MEGF8: variants seen among roughly 807,000 people sequenced by gnomAD.
MEGF8 encodes the protein multiple epidermal growth factor-like domains protein 8.
MEGF8 carries 156 observed loss-of-function variants against 302.9 expected under a neutral mutation model. The ratio of observed to expected loss-of-function variants is 0.52; its 90% CI spans 0.45 to 0.59. The LOEUF (loss-of-function observed/expected upper bound fraction) is 0.59, where lower values mean the gene tolerates loss of function less well. MEGF8 is among the 20% of genes least tolerant of loss of function. The pLI is 0.00. For missense variants in MEGF8, 3,345 were observed against 3,964.5 expected (o/e 0.84, Z 4.20); for synonymous variants, 1,621 against 1,660.5 (o/e 0.98, Z 0.58).
In MEGF8 at chr19:42,335,139, G is replaced by A. The variant is rs2039108108; in HGVS notation, c.663G>A (p.Arg221=). ...GGTGGTGGCACAACGTGAGTGCCAG[G>A]GACCCTGCCTTCTCTGCCCGTATTG... ...GAGWWHNVSA[R]DPAFSARIGA... is the part of the protein sequence containing the mutation. Residue 221 remains arginine (R), a synonymous_variant, in exon 4 of 42, where the codon AGG becomes AGA. Transcript: ENST00000251268. 3 of 1,613,826 alleles carry A rather than the reference G, an allele frequency of 1.9e-6. No homozygotes were observed. The highest frequency in any genetic ancestry group is 2.5e-6 in the Non-Finnish European group (3 of 1,179,882).
At position 42,353,632 on chromosome 19, in the gene MEGF8, GC is replaced by G; in HGVS notation, c.3721del (p.His1241ThrfsTer98). 6.3e-7 allele frequency: 1 copy of G among 1,581,616 alleles called. No homozygotes were observed. Among genetic ancestry groups the G allele is most frequent in the Non-Finnish European group, 8.6e-7 (1 of 1,161,802 alleles). ...CTTCTGCCAGGACCACACCGAGGGT[GC>G]CCACTGCCAGCTCTGCTCCCCAGGC... is the stretch of plus-strand genomic sequence containing the variant. ...LCFCQDHTEG[A>X]HCQLCSPGYY... On this transcript the variant is annotated frameshift_variant, in exon 21 of 42. Transcript: ENST00000251268. LOFTEE classifies it high-confidence loss of function. The surrounding 1 kb of genome is among the most constrained non-coding windows in gnomAD (Gnocchi z 6.1).
rs548741294 is a variant in MEGF8 at position 42,373,386 on chromosome 19, C to T, written c.7269+1904C>T. Among the ~76,000 whole-genome samples, 473 of 151,826 alleles carry T rather than the reference C, an allele frequency of 3.1e-3. 3 individuals carry two copies. Among genetic ancestry groups the T allele is most frequent in the Non-Finnish European group, 5.3e-3 (363 of 67,920 alleles). ...GATCACAGGCGTGAGCCACCACCCC[C>T]GGCCGGTTCTTTTTTTTAATGTATT... On this transcript the variant is annotated intron_variant, in intron 41 of 41. Coordinates refer to ENST00000251268, the MANE Select transcript of MEGF8 (RefSeq NM_001271938.2).
rs2039392685 is a variant in MEGF8 at position 42,352,603 on chromosome 19, C to G, written c.3350+147C>G. On this transcript the variant is annotated intron_variant, in intron 19 of 41. Transcript: ENST00000251268. This position sits in a 1 kb window ranked among gnomAD's most constrained non-coding sequence, Gnocchi z 4.4. The stretch of plus-strand genomic sequence containing the variant: ...GGGTTTTTACCTTGCACACTAGGTC[C>G]TTATTAGAGTGACAGGGTCCCCAGT... 5 of 1,069,970 alleles carry G rather than the reference C, an allele frequency of 4.7e-6. No individual in the cohort carries two copies. The highest frequency in any genetic ancestry group is 6.6e-6 in the Non-Finnish European group (5 of 761,584). 66.3% of individuals were successfully genotyped at this position (1,069,970 alleles called of 1,614,324 possible).
rs766652484 is a variant in MEGF8, at chr19:42,351,401, T to G, written c.2856-28T>G. 3 of 1,579,894 alleles carry G rather than the reference T, an allele frequency of 1.9e-6. No individual in the cohort carries two copies. In the African/African-American group the frequency reaches 4.1e-5, roughly 21 times the overall value. ...CTGGGGATGTGTGCTGGCTGTGGAGTGACCTGGCCCCCTGCTCCCCACCCC... is the reference window on the plus strand; with the variant it reads ...CTGGGGATGTGTGCTGGCTGTGGAGGGACCTGGCCCCCTGCTCCCCACCCC... On this transcript the variant is annotated intron_variant, in intron 16 of 41. Transcript: ENST00000251268. This position sits in a 1 kb window ranked among gnomAD's most constrained non-coding sequence, Gnocchi z 5.6.
chr19:42,327,634 C>G (rs1279330499), intron 1 of MEGF8, among the ~76,000 whole-genome samples: 1 of 152,210 alleles, frequency 6.6e-6, no homozygotes, highest in Non-Finnish European at 1.5e-5. Flanking sequence ...GAACCCTGCC[C>G]CAGTGGCTCT....
In MEGF8 at chr19:42,336,423, T is replaced by G; in HGVS notation, c.1244+77T>G. The G allele has an allele frequency of 7.1e-7, 1 of 1,415,228 alleles. No individual in the cohort carries two copies. Among genetic ancestry groups the G allele is most frequent in the Non-Finnish European group, 9.4e-7 (1 of 1,069,184 alleles). The allele number at this position is 1,415,228 out of a possible 1,614,324, so 87.7% of individuals were successfully genotyped here. On this transcript the variant is annotated intron_variant, in intron 6 of 41. Coordinates refer to ENST00000251268, the MANE Select transcript of MEGF8 (RefSeq NM_001271938.2). The surrounding 1 kb of genome is among the most constrained non-coding windows in gnomAD (Gnocchi z 4.8). Reference sequence around the variant, plus strand: ...ACCATAGGCCTTTAGTCTTTAGAGGTCTTTGCCCACTGTCGGACTCCTGTG... The same window carrying G: ...ACCATAGGCCTTTAGTCTTTAGAGGGCTTTGCCCACTGTCGGACTCCTGTG...
rs370507805 is a variant in MEGF8 at position 42,356,296 on chromosome 19, G to T, written c.4504-39G>T. 5.8e-5 allele frequency: 92 copies of T among 1,588,416 alleles called. No individual in the cohort carries two copies. Among genetic ancestry groups the T allele is most frequent in the Non-Finnish European group, 7.3e-5 (85 of 1,168,254 alleles). On this transcript the variant is annotated intron_variant, in intron 25 of 41. Transcript: ENST00000251268. This position sits in a 1 kb window ranked among gnomAD's most constrained non-coding sequence, Gnocchi z 5.2. ...ACACCCAGGCCTGGCACTTTGTCCT[G>T]ACCCTAGCCTGATCCCCAATGTCCG...
chr19:42,342,408 G>A (rs1600029318), intron 8 of MEGF8, among the ~76,000 whole-genome samples: 2 of 152,180 alleles, frequency 1.3e-5, no homozygotes, highest in African/African-American at 2.4e-5. Context: ...GGAGGCCGAG[G>A]CGAGTGGATC....
chr19:42,346,984 CAAAAAAAAAAAA>C (rs767117534), intron 12 of MEGF8, among the ~76,000 whole-genome samples: 3 of 49,818 alleles, frequency 6.0e-5, no homozygotes, highest in African/African-American at 2.2e-4. Context: ...GACTCTGTCT[CAAAAAAAAAAAA>C]AAAAAAAAAG....
chr19:42,334,151 G>C lies in MEGF8; in HGVS notation c.496G>C (p.Gly166Arg). The change falls in exon 3 of 42, where the codon GGT becomes CGT. Residue 166 changes from glycine to arginine, a missense_variant. Transcript: ENST00000251268. ...GVCACEPGWG[G>R]PDCGLQECSA... ...GTGTGCCTGCGAGCCGGGCTGGGGGGGTCCTGACTGTGGCCTGCAGGAGTG... is the reference window on the plus strand; with the variant it reads ...GTGTGCCTGCGAGCCGGGCTGGGGGCGTCCTGACTGTGGCCTGCAGGAGTG... The C allele has an allele frequency of 1.9e-6, 3 of 1,611,522 alleles. No individual in the cohort carries two copies. Among genetic ancestry groups the C allele is most frequent in the East Asian group, 2.2e-5 (1 of 44,860 alleles).
In MEGF8 at chr19:42,344,602, G is replaced by A. The variant is rs1329314005; in HGVS notation, c.1933+17G>A. ...CTAGGCCTGGTGAGTGTCCGCAGCAGTGGGCCGGCAGGAGGGGGCCAGAGC... is the reference window on the plus strand; with the variant it reads ...CTAGGCCTGGTGAGTGTCCGCAGCAATGGGCCGGCAGGAGGGGGCCAGAGC... On this transcript the variant is annotated intron_variant, in intron 11 of 41. Transcript: ENST00000251268. The surrounding 1 kb of genome is among the most constrained non-coding windows in gnomAD (Gnocchi z 4.5). The A allele has an allele frequency of 1.5e-5, 23 of 1,582,160 alleles. No homozygotes were observed. Among genetic ancestry groups the A allele is most frequent in the Non-Finnish European group, 2.0e-5 (23 of 1,163,098 alleles).
At position 42,350,268 on chromosome 19, in the gene MEGF8, C is replaced by T. The variant is rs545610720; in HGVS notation, c.2620C>T (p.Leu874=). The stretch of plus-strand genomic sequence containing the variant: ...GTGCCTGACCAGTGCCACCTGCCAC[C>T]TGCGCCAGGGCGGAGCCCATTGCGG... ...GWCLTSATCH[L]RQGGAHCGDD... The change falls in exon 15 of 42, where the codon CTG becomes TTG. Residue 874 remains leucine, a synonymous_variant. Coordinates refer to ENST00000251268, the MANE Select transcript of MEGF8 (RefSeq NM_001271938.2). 3 of 1,611,674 alleles carry T rather than the reference C, an allele frequency of 1.9e-6. No individual in the cohort carries two copies. The highest frequency in any genetic ancestry group is 2.2e-5 in the East Asian group (1 of 44,876).
At chr19:42,355,123 ATTTTTGTATTTTTAG>A (rs2039432576) in intron 23 of MEGF8, among the ~76,000 whole-genome samples, 3 of 151,972 alleles carry the variant, frequency 2.0e-5, no homozygotes, top group Non-Finnish European at 2.9e-5. Flanking sequence ...TGCCTGGCTA[ATTTTTGTATTTTTAG>A]TAGAGACAGG....
intron 41 of MEGF8, among the ~76,000 whole-genome samples, chr19:42,374,395 C>T (rs776949614): frequency 4.0e-5 from 6 of 149,300 alleles, no homozygotes; most frequent in Admixed American, 6.8e-5. Context: ...CGCTTGAACC[C>T]GGGAGGCAGA....
intron 13 of MEGF8, among the ~76,000 whole-genome samples, chr19:42,349,120 C>T (rs965607642): frequency 6.6e-6 from 1 of 152,058 alleles, no homozygotes; most frequent in Non-Finnish European, 1.5e-5. Context: ...GGAAACATGG[C>T]GAGACATCAT....
Position 42,354,719 on chromosome 19 carries a change from TGGTACGG to T in MEGF8, c.4144+2_4144+8del. On this transcript the variant is annotated splice_donor_variant and splice_donor_5th_base_variant and coding_sequence_variant and intron_variant, in exon 23 of 42. Transcript: ENST00000251268. LOFTEE classifies it high-confidence loss of function. The surrounding 1 kb of genome is among the most constrained non-coding windows in gnomAD (Gnocchi z 4.3). ...GGCCCCTCACTGTTCAGGCCCTGTC[TGGTACGG>T]GGGCTAGGGGAAGTGGGACCTCTTA... 2.5e-6 allele frequency: 4 copies of T among 1,601,128 alleles called. No individual in the cohort carries two copies. The highest frequency in any genetic ancestry group is 3.4e-6 in the Non-Finnish European group (4 of 1,175,810).
Position 42,356,396 on chromosome 19 carries a change from C to T in MEGF8, c.4565C>T (p.Thr1522Ile), listed in dbSNP as rs2039453475. 4 of 1,612,856 alleles carry T rather than the reference C, an allele frequency of 2.5e-6. No homozygotes were observed. The East Asian group carries it at 8.9e-5, about 36-fold the overall frequency. ...ACCATGGTGGATGGACCCGATGCCA[C>T]CTTGTGGATGTTTGGGGGCCTGGGC... is the stretch of plus-strand genomic sequence containing the variant. Reference protein sequence around the residue: ...GHTMVDGPDATLWMFGGLGLP... With the variant: ...GHTMVDGPDAILWMFGGLGLP... Residue 1522 changes from threonine to isoleucine, a missense_variant, in exon 26 of 42, where the codon ACC becomes ATC. Thr to Ile is a moderately conservative substitution (Grantham distance 89). Coordinates refer to ENST00000251268, the MANE Select transcript of MEGF8 (RefSeq NM_001271938.2). This position sits in a 1 kb window ranked among gnomAD's most constrained non-coding sequence, Gnocchi z 5.2.
At chr19:42,359,853 AT>A (rs891961465) in intron 31 of MEGF8, among the ~76,000 whole-genome samples, 2,346 of 125,396 alleles carry the variant, frequency 0.019, 41 homozygotes, top group African/African-American at 0.067. Context: ...CGCCTGGATA[AT>A]TTTTTTTTTT....
chr19:42,331,175 C>G (rs562743986), intron 1 of MEGF8, among the ~76,000 whole-genome samples: 1 of 152,300 alleles, frequency 6.6e-6, no homozygotes, highest in East Asian at 1.9e-4. Flanking sequence ...GTTGAATGTT[C>G]ACCCCAGCCT....
Sources: allele counts gnomAD v4.1 joint callset (sites outside exome capture counted in the v4.1 genomes callset), GRCh38; gene constraint gnomAD v4.1.1; non-coding constraint Gnocchi (gnomAD v3.1); transcripts MANE v1.5; gene names NCBI Gene and HGNC (gene_info 2026-07-23, HGNC 2026-07-21).